SLC25A26: variants seen among roughly 807,000 people sequenced by gnomAD.
SLC25A26 encodes the protein solute carrier family 25 member 26, also known as mitochondrial S-adenosylmethionine carrier protein.
Under a neutral mutation model 37.8 loss-of-function variants are expected in SLC25A26, and 36 were observed. That is an observed-to-expected ratio of 0.95 (90% confidence interval 0.73 to 1.26). The LOEUF is 1.26. Among genes scored for constraint, SLC25A26 ranks in the 50% most tolerant of loss-of-function variants. The pLI is 0.00. For missense variants in SLC25A26, 390 were observed against 331.1 expected (o/e 1.18, Z -1.38); for synonymous variants, 129 against 122.5 (o/e 1.05, Z -0.35).
Position 66,199,906 on chromosome 3 carries a change from A to G in SLC25A26, c.-353-20836A>G, listed in dbSNP as rs1003390588. 5.6e-3 allele frequency among the ~76,000 whole-genome samples: 851 copies of G among 152,186 alleles called. 13 individuals are homozygous for G. The highest frequency in any genetic ancestry group is 0.019 in the African/African-American group (794 of 41,514). On this transcript the variant is annotated intron_variant, in intron 1 of 10. Coordinates refer to the SLC25A26 transcript ENST00000676754. ...TGTGACCTTCAACTACACCCTAACC[A>G]TGACATGCACCCTCATCACTAAGCT...
chr3:66,300,074 G>C (rs2075027501), intron 5 of SLC25A26, among the ~76,000 whole-genome samples: 1 of 152,102 alleles, frequency 6.6e-6, no homozygotes, highest in Non-Finnish European at 1.5e-5. Context: ...TAAAGTCTTT[G>C]AAGCTTGCTG....
At position 66,149,459 on chromosome 3, in the gene SLC25A26, A is replaced by G. The variant is rs556349838; in HGVS notation, c.-354+15475A>G. Among the ~76,000 whole-genome samples the G allele has an allele frequency of 7.9e-5, 12 of 152,312 alleles. No homozygotes were observed. The South Asian group carries it at 1.7e-3, about 21-fold the overall frequency. The stretch of plus-strand genomic sequence containing the variant: ...TGCCAACAAATTTTCTTTGCCTCAT[A>G]TGTTACTTTGAGGTATATTTCTCAC... On this transcript the variant is annotated intron_variant, in intron 1 of 10. Coordinates refer to the SLC25A26 transcript ENST00000676754.
At chr3:66,259,240 C>A (rs535014509) in intron 3 of SLC25A26, among the ~76,000 whole-genome samples, 168 of 152,280 alleles carry the variant, frequency 1.1e-3, no homozygotes, top group African/African-American at 3.6e-3. Context: ...TTTATGTTCC[C>A]AGGGTTCCAT....
At chr3:66,263,233 C>A in intron 4 of SLC25A26, 99 bp from the exon 5 acceptor site, 1 of 822,546 alleles carries the variant, frequency 1.2e-6, no homozygotes, top group Non-Finnish European at 2.1e-6. Flanking sequence ...TGTGAATGTT[C>A]TAGAACTCAA....
At chr3:66,325,538 A>C (rs2075815483) in intron 5 of SLC25A26, among the ~76,000 whole-genome samples, 1 of 152,188 alleles carries the variant, frequency 6.6e-6, no homozygotes. Context: ...TAAGTAGGAC[A>C]CCTGATCTAG....
At chr3:66,210,850 CA>C (rs2071275523) in intron 1 of SLC25A26, among the ~76,000 whole-genome samples, 1 of 152,054 alleles carries the variant, frequency 6.6e-6, no homozygotes, top group Non-Finnish European at 1.5e-5. Flanking sequence ...TGAGTATCGC[CA>C]AAGGTTTGTC....
chr3:66,213,088 T>C (rs1327548483), intron 1 of SLC25A26, among the ~76,000 whole-genome samples: 3 of 152,300 alleles, frequency 2.0e-5, no homozygotes, highest in Admixed American at 6.5e-5. Context: ...AATGTTACCA[T>C]TGGGAATTTC....
chr3:66,267,646 T>C (rs2107326254), intron 5 of SLC25A26, among the ~76,000 whole-genome samples: 1 of 152,300 alleles, frequency 6.6e-6, no homozygotes, highest in East Asian at 1.9e-4. Flanking sequence ...TTCTTTTCGG[T>C]AGATGCTAGT....
At chr3:66,155,036 A>G (rs2070262617) in intron 1 of SLC25A26, among the ~76,000 whole-genome samples, 1 of 152,246 alleles carries the variant, frequency 6.6e-6, no homozygotes, top group Non-Finnish European at 1.5e-5. Context: ...CATAGTAGGC[A>G]GCATGTGCTA....
intron 1 of SLC25A26, among the ~76,000 whole-genome samples, chr3:66,184,601 T>A (rs939419805): frequency 1.3e-5 from 2 of 152,284 alleles, no homozygotes; most frequent in East Asian, 1.9e-4. Context: ...ACCTTGAGTT[T>A]ACTATGTATT....
At chr3:66,198,003 T>C (rs926197682) in intron 1 of SLC25A26, among the ~76,000 whole-genome samples, 12 of 150,886 alleles carry the variant, frequency 8.0e-5, no homozygotes, top group Admixed American at 2.6e-4. Flanking sequence ...TAAGGGTGAG[T>C]GTATATGTCA....
intron 1 of SLC25A26, among the ~76,000 whole-genome samples, chr3:66,204,294 C>T (rs1456949620): frequency 6.6e-6 from 1 of 151,606 alleles, no homozygotes; most frequent in Non-Finnish European, 1.5e-5. Context: ...GGCGTAGTGG[C>T]GGTCGCCTGT....
At chr3:66,245,676 A>G (rs1289057879) in intron 3 of SLC25A26, among the ~76,000 whole-genome samples, 3 of 152,238 alleles carry the variant, frequency 2.0e-5, no homozygotes, top group Non-Finnish European at 4.4e-5. Context: ...AGGAAGTTTG[A>G]ACAAGAATCT....
chr3:66,366,566 T>A (rs1299323111), intron 7 of SLC25A26, among the ~76,000 whole-genome samples: 2 of 152,198 alleles, frequency 1.3e-5, no homozygotes, highest in Non-Finnish European at 1.5e-5. Flanking sequence ...CATATTACTT[T>A]CATGAAACCT....
At chr3:66,347,046 T>G (rs2076342813) in intron 6 of SLC25A26, among the ~76,000 whole-genome samples, 1 of 152,108 alleles carries the variant, frequency 6.6e-6, no homozygotes, top group Non-Finnish European at 1.5e-5. Context: ...TTTTAACCAT[T>G]AAGGACATGG....
chr3:66,196,757 C>CTA (rs1225091151), intron 1 of SLC25A26, among the ~76,000 whole-genome samples: 1 of 152,026 alleles, frequency 6.6e-6, no homozygotes, highest in African/African-American at 2.4e-5. Flanking sequence ...TTCTTATACC[C>CTA]TATATAATCA....
chr3:66,221,077 G>T lies in SLC25A26; in HGVS notation c.-18G>T, dbSNP rs782385094. ...CTGCTCCGGCTTGGATTGTAGCCTT[G>T]ACGAGGTCTGAGCGACCATGGACCG... On this transcript the variant is annotated 5_prime_UTR_variant, in exon 1 of 10. Coordinates refer to ENST00000354883, the MANE Select transcript of SLC25A26 (RefSeq NM_001379210.1). 9.0e-5 allele frequency: 138 copies of T among 1,535,110 alleles called. No homozygotes were observed. Among genetic ancestry groups the T allele is most frequent in the Non-Finnish European group, 1.1e-4 (128 of 1,145,880 alleles).
chr3:66,378,188 G>C lies in SLC25A26; in HGVS notation c.*381G>C, dbSNP rs1161022632. On this transcript the variant is annotated 3_prime_UTR_variant, in exon 10 of 10. Coordinates refer to ENST00000354883, the MANE Select transcript of SLC25A26 (RefSeq NM_001379210.1). ...AGATGGTTATAATTCTAAAAGAATA[G>C]CTTGTTTGTTTGTTTGGGAAAAGGA... 2 of 130,894 alleles carry C rather than the reference G, an allele frequency of 1.5e-5. No homozygotes were observed. Among genetic ancestry groups the C allele is most frequent in the African/African-American group, 5.1e-5 (2 of 38,940 alleles). The allele number at this position is 130,894 out of a possible 1,614,324, so 8.1% of individuals were successfully genotyped here.
intron 1 of SLC25A26, among the ~76,000 whole-genome samples, chr3:66,227,103 T>C (rs1553661028): frequency 6.6e-6 from 1 of 152,222 alleles, no homozygotes; most frequent in Non-Finnish European, 1.5e-5. Context: ...ATTTTATTTT[T>C]TGTGCTTTCA....
Sources: allele counts gnomAD v4.1 joint callset (sites outside exome capture counted in the v4.1 genomes callset), GRCh38; gene constraint gnomAD v4.1.1; transcripts MANE v1.5; gene names NCBI Gene and HGNC (gene_info 2026-07-23, HGNC 2026-07-21).